DHTKD1: variants seen among roughly 807,000 people sequenced by gnomAD.
The protein encoded by DHTKD1 is 2-oxoadipate dehydrogenase complex component E1.
Under a neutral mutation model 101.8 loss-of-function variants are expected in DHTKD1, and 78 were observed. The observed-to-expected ratio is 0.77, with a 90% CI of 0.64 to 0.93. DHTKD1 has a LOEUF of 0.93. Among genes scored for constraint, DHTKD1 ranks in the 40% least tolerant of loss-of-function variants. The pLI is 0.00. For missense variants in DHTKD1, 1,223 were observed against 1,161.7 expected (o/e 1.05, Z -0.77); for synonymous variants, 462 against 450.3 (o/e 1.03, Z -0.33).
Position 12,100,276 on chromosome 10 carries a change from T to TC in DHTKD1, c.1756+14_1756+15insC. The TC allele has an allele frequency of 8.6e-7, 1 of 1,161,446 alleles. No homozygotes were observed. The highest frequency in any genetic ancestry group is 1.2e-6 in the Non-Finnish European group (1 of 829,108). The allele number at this position is 1,161,446 out of a possible 1,614,324, so 71.9% of individuals were successfully genotyped here. On this transcript the variant is annotated intron_variant, in intron 9 of 16. Coordinates refer to ENST00000263035, the MANE Select transcript of DHTKD1 (RefSeq NM_018706.7). Reference sequence around the variant, plus strand: ...TACTTGCTCAAGGTAAGAATTTTCTTTTTTTTTTCTGTTTTTTTTTTTTTT... The same window carrying TC: ...TACTTGCTCAAGGTAAGAATTTTCTTCTTTTTTTTCTGTTTTTTTTTTTTTT...
At chr10:12,117,991 G>A (rs1274213754) in intron 14 of DHTKD1, among the ~76,000 whole-genome samples, 1 of 151,908 alleles carries the variant, frequency 6.6e-6, no homozygotes, top group Non-Finnish European at 1.5e-5. Context: ...CCGGATTCAA[G>A]TGATTCTTGT....
rs185184435 is a variant in DHTKD1 at position 12,091,328 on chromosome 10, C to T, written c.988-185C>T. On this transcript the variant is annotated intron_variant, in intron 5 of 16. Coordinates refer to ENST00000263035, the MANE Select transcript of DHTKD1 (RefSeq NM_018706.7). Reference sequence around the variant, plus strand: ...TAGGGAAGCTGAGGCAGGAGAATCACTTGAACCCGGGAGGCAGAGGATGCA... The same window carrying T: ...TAGGGAAGCTGAGGCAGGAGAATCATTTGAACCCGGGAGGCAGAGGATGCA... Among the ~76,000 whole-genome samples the T allele has an allele frequency of 2.9e-3, 416 of 141,544 alleles. 2 individuals carry two copies. The highest frequency in any genetic ancestry group is 3.7e-3 in the Non-Finnish European group (245 of 66,060). 92.9% of individuals were successfully genotyped at this position (141,544 alleles called of 152,430 possible).
At chr10:12,113,126 C>G (rs1833361762) in intron 13 of DHTKD1, 62 bp downstream of exon 13, 1 of 1,385,400 alleles carries the variant, frequency 7.2e-7, no homozygotes, top group Non-Finnish European at 9.8e-7. Context: ...CCATTTTTCC[C>G]TATTTTCCAT....
At chr10:12,084,242 A>C (rs1295436328) in intron 2 of DHTKD1, among the ~76,000 whole-genome samples, 1 of 152,184 alleles carries the variant, frequency 6.6e-6, no homozygotes, top group East Asian at 1.9e-4. Flanking sequence ...CAAGTTATTA[A>C]GAACAAAGCA....
chr10:12,083,186 A>C (rs376312602), intron 2 of DHTKD1, among the ~76,000 whole-genome samples: 32 of 151,930 alleles, frequency 2.1e-4, no homozygotes, highest in African/African-American at 6.5e-4. Context: ...CATAGGCCAG[A>C]GGTGTCCAAT....
rs1201381415 is a variant in DHTKD1 at position 12,089,102 on chromosome 10, C to G, written c.834C>G (p.Pro278=). ...SVDLYFGAHH[P]LHVTMLPNPS... ...ACCTGTACTTTGGGGCGCACCATCCCCTCCATGTGACAATGTTGCCCAATC... is the reference window on the plus strand; with the variant it reads ...ACCTGTACTTTGGGGCGCACCATCCGCTCCATGTGACAATGTTGCCCAATC... Residue 278 remains proline (P), a synonymous_variant, in exon 5 of 17, where the codon CCC becomes CCG. Coordinates refer to ENST00000263035, the MANE Select transcript of DHTKD1 (RefSeq NM_018706.7). The G allele has an allele frequency of 6.2e-7, 1 of 1,614,224 alleles. No individual in the cohort carries two copies. Among genetic ancestry groups the G allele is most frequent in the African/African-American group, 1.3e-5 (1 of 75,064 alleles).
rs539193069 is a variant in DHTKD1, at chr10:12,119,478, T to A, written c.2572+560T>A. Among the ~76,000 whole-genome samples, 49 of 149,356 alleles carry A rather than the reference T, an allele frequency of 3.3e-4. 2 individuals carry two copies. The East Asian group carries it at 8.2e-3, about 25-fold the overall frequency. On this transcript the variant is annotated intron_variant, in intron 15 of 16. Coordinates refer to ENST00000263035, the MANE Select transcript of DHTKD1 (RefSeq NM_018706.7). Reference sequence around the variant, plus strand: ...AAAATACAAAAAAATTAGCCGGGCGTGGTGGCGGGCGCCTGTAGTCCCAGC... The same window carrying A: ...AAAATACAAAAAAATTAGCCGGGCGAGGTGGCGGGCGCCTGTAGTCCCAGC...
chr10:12,075,559 G>A (rs1267831062), intron 1 of DHTKD1, among the ~76,000 whole-genome samples: 1 of 115,074 alleles, frequency 8.7e-6, no homozygotes, highest in Non-Finnish European at 1.8e-5. Context: ...ATTTTTTGTA[G>A]AGACAGGGTC....
chr10:12,107,187 C>T lies in DHTKD1; in HGVS notation c.2048-722C>T, dbSNP rs1343544274. Among the ~76,000 whole-genome samples, 1 of 151,768 alleles carries T rather than the reference C, an allele frequency of 6.6e-6. No individual in the cohort carries two copies. ...ATTTTTAGTAGAGATGGGGTTTCAC[C>T]GTGTCAGCCGGGATGGTCTCGTTCT... is the stretch of plus-strand genomic sequence containing the variant. On this transcript the variant is annotated intron_variant, in intron 11 of 16. Transcript: ENST00000263035. This position sits in a 1 kb window ranked among gnomAD's most constrained non-coding sequence, Gnocchi z 4.1.
intron 4 of DHTKD1, 60 bp from the exon 5 acceptor site, chr10:12,088,926 C>T (rs1455897603): frequency 3.4e-6 from 5 of 1,472,616 alleles, no homozygotes; most frequent in Non-Finnish European, 4.7e-6. Context: ...CTCAGCACTT[C>T]TTCCCTAGAC....
At chr10:12,100,648 A>T (rs762052932) in intron 9 of DHTKD1, among the ~76,000 whole-genome samples, 1 of 151,990 alleles carries the variant, frequency 6.6e-6, no homozygotes, top group Non-Finnish European at 1.5e-5. Flanking sequence ...TTGAGTTATA[A>T]CTACCTCCCA....
chr10:12,112,939 G>C lies in DHTKD1; in HGVS notation c.2194G>C (p.Val732Leu). 1 of 1,613,074 alleles carries C rather than the reference G, an allele frequency of 6.2e-7. No homozygotes were observed. Among genetic ancestry groups the C allele is most frequent in the Non-Finnish European group, 8.5e-7 (1 of 1,179,582 alleles). The change falls in exon 13 of 17, where the codon GTG (valine) becomes CTG (leucine). Residue 732 changes from valine (V) to leucine (L), a missense_variant. Val to Leu is a conservative substitution (Grantham distance 32). Transcript: ENST00000263035. ...SAEEGVDGDT[V>L]NMFVVHPTTP... Reference sequence around the variant, plus strand: ...GGAAGAGGGGGTGGACGGAGACACTGTGAACATGTTTGTGGTTCACCCAAC... The same window carrying C: ...GGAAGAGGGGGTGGACGGAGACACTCTGAACATGTTTGTGGTTCACCCAAC...
At position 12,091,703 on chromosome 10, in the gene DHTKD1, A is replaced by G; in HGVS notation, c.1159+19A>G. The G allele has an allele frequency of 6.2e-7, 1 of 1,609,404 alleles. No homozygotes were observed. Among genetic ancestry groups the G allele is most frequent in the African/African-American group, 1.3e-5 (1 of 74,680 alleles). On this transcript the variant is annotated intron_variant, in intron 6 of 16. Coordinates refer to ENST00000263035, the MANE Select transcript of DHTKD1 (RefSeq NM_018706.7). ...GATATTGGTACGTAACACAGGGAGG[A>G]ACTGATATTGCTGAAGCCGACATGG...
chr10:12,090,393 C>T (rs1390617218), intron 5 of DHTKD1, among the ~76,000 whole-genome samples: 1 of 132,412 alleles, frequency 7.6e-6, no homozygotes, highest in African/African-American at 2.7e-5. Context: ...TCCTTTTTTC[C>T]TTCCTTCCTT....
At chr10:12,119,472 C>A (rs536939905) in intron 15 of DHTKD1, among the ~76,000 whole-genome samples, 1 of 150,332 alleles carries the variant, frequency 6.7e-6, no homozygotes, top group African/African-American at 2.4e-5. Context: ...AAAAATTAGC[C>A]GGGCGTGGTG....
chr10:12,091,035 C>T (rs1298736081), intron 5 of DHTKD1, among the ~76,000 whole-genome samples: 1 of 151,380 alleles, frequency 6.6e-6, no homozygotes, highest in Non-Finnish European at 1.5e-5. Flanking sequence ...GCCTGGGCAA[C>T]AGAGCGAGAC....
chr10:12,085,256 G>C (rs1385702747), intron 3 of DHTKD1, among the ~76,000 whole-genome samples: 1 of 152,060 alleles, frequency 6.6e-6, no homozygotes, highest in Admixed American at 6.6e-5. Flanking sequence ...GCTGCAGTGA[G>C]CTGAGATCGC....
At chr10:12,088,404 G>A (rs1448583038) in intron 4 of DHTKD1, among the ~76,000 whole-genome samples, 1 of 150,538 alleles carries the variant, frequency 6.6e-6, no homozygotes, top group Non-Finnish European at 1.5e-5. Flanking sequence ...TCCAGGAGAT[G>A]GAGGCTGCAG....
At chr10:12,095,681 C>T (rs7081586) in intron 7 of DHTKD1, among the ~76,000 whole-genome samples, 109,873 of 150,526 alleles carry the variant, frequency 0.73, 40,549 homozygotes, top group South Asian at 0.86. Flanking sequence ...GGCGTGGTGG[C>T]GGGCGCCTGT....
Sources: allele counts gnomAD v4.1 joint callset (sites outside exome capture counted in the v4.1 genomes callset), GRCh38; gene constraint gnomAD v4.1.1; non-coding constraint Gnocchi (gnomAD v3.1); transcripts MANE v1.5; gene names NCBI Gene and HGNC (gene_info 2026-07-23, HGNC 2026-07-21).